The following CD36 variants were observed in gnomAD, a reference collection of about 807,000 sequenced individuals.
CD36 encodes the protein CD36 molecule (CD36 blood group).
A neutral mutation model predicts 55.2 loss-of-function variants in CD36; 119 were observed. The observed-to-expected ratio is 2.15, with a 90% CI of 1.86 to 2.51. The LOEUF (loss-of-function observed/expected upper bound fraction) is 2.51. Among genes scored for constraint, CD36 ranks in the 30% most tolerant of loss-of-function variants. The pLI is 0.00. For synonymous variants in CD36, 186 were observed against 193.6 expected (o/e 0.96, Z 0.33); for missense variants, 819 against 555.5 (o/e 1.47, Z -4.77).
intron 1 of CD36, among the ~76,000 whole-genome samples, chr7:80,617,000 T>G (rs954954719): frequency 1.3e-5 from 2 of 152,196 alleles, no homozygotes; most frequent in African/African-American, 4.8e-5. Context: ...AGGAGAATTG[T>G]GGCTAAAACT....
chr7:80,641,504 A>G (rs1382985993), intron 1 of CD36, among the ~76,000 whole-genome samples: 6 of 152,080 alleles, frequency 3.9e-5, no homozygotes, highest in Non-Finnish European at 4.4e-5. Context: ...AGAATGGAAA[A>G]CAAGAGTGTG....
chr7:80,610,436 A>G (rs913181113), intron 1 of CD36, among the ~76,000 whole-genome samples: 2 of 152,206 alleles, frequency 1.3e-5, no homozygotes, highest in Non-Finnish European at 2.9e-5. Flanking sequence ...TTTTGTAAAT[A>G]CAAGAATAGT....
rs1796678955 is a variant in CD36 at position 80,663,016 on chromosome 7, AT to A, written c.459del (p.Phe153LeufsTer4). 6.2e-7 allele frequency: 1 copy of A among 1,613,222 alleles called. No individual in the cohort carries two copies. Among genetic ancestry groups the A allele is most frequent in the Admixed American group, 1.7e-5 (1 of 59,984 alleles). On this transcript the variant is annotated frameshift_variant, in exon 6 of 15. Transcript: ENST00000447544. LOFTEE classifies it high-confidence loss of function. ...AAASHIYQNQ[F>X]VQMILNSLIN... ...CTGCATCCCATATCTATCAAAATCA[AT>A]TTGTTCAAATGATCCTCAATTCACT...
In CD36 at chr7:80,658,461, T is replaced by C. The variant is rs562015704; in HGVS notation, c.281+1761T>C. Among the ~76,000 whole-genome samples, 3 of 152,086 alleles carry C rather than the reference T, an allele frequency of 2.0e-5. No homozygotes were observed. The South Asian group carries it at 6.2e-4, about 32-fold the overall frequency. On this transcript the variant is annotated intron_variant, in intron 4 of 14. Coordinates refer to ENST00000447544, the MANE Select transcript of CD36 (RefSeq NM_001001548.3). ...ACTCATCATGATTTTTTTTGTTTGT[T>C]TGGGGGAAGTTATATTTTTCACTTC...
chr7:80,671,050 A>C lies in CD36; in HGVS notation c.892A>C (p.Lys298Gln). ...IPVYRFVLPS[K>Q]AFASPVENPD... ...TGTGTATAGATTTGTTCTTCCATCC[A>C]AGGCCTTTGCCTCTCCAGTTGAAAA... Residue 298 changes from lysine to glutamine, a missense_variant, in exon 10 of 15, where the codon AAG becomes CAG. Lys to Gln is a moderately conservative substitution (Grantham distance 53). Transcript: ENST00000447544. 6.2e-7 allele frequency: 1 copy of C among 1,612,830 alleles called. No homozygotes were observed.
At chr7:80,674,212 A>C in intron 14 of CD36, 65 bp downstream of exon 14, 1 of 1,186,230 alleles carries the variant, frequency 8.4e-7, no homozygotes, top group Non-Finnish European at 1.2e-6. Context: ...TTTTCACTTT[A>C]TCAAAGAGAA....
At chr7:80,662,845 T>C in intron 5 of CD36, 145 bp from the exon 6 acceptor site, 1 of 692,064 alleles carries the variant, frequency 1.4e-6, no homozygotes, top group Non-Finnish European at 2.5e-6. Flanking sequence ...ACGAATTGCA[T>C]TTTGAGTTTT....
chr7:80,603,680 A>C (rs1401907397), intron 1 of CD36, among the ~76,000 whole-genome samples: 2 of 150,818 alleles, frequency 1.3e-5, no homozygotes, highest in African/African-American at 4.9e-5. Flanking sequence ...AACTGTTCTA[A>C]GAGTTCAAGA....
chr7:80,603,703 G>A (rs1028396581), intron 1 of CD36, among the ~76,000 whole-genome samples: 1 of 131,214 alleles, frequency 7.6e-6, no homozygotes, highest in Non-Finnish European at 1.7e-5. Context: ...GCTAACACCT[G>A]AGGATAATAA....
In CD36 at chr7:80,646,599, T is replaced by A. The variant is rs1326390795; in HGVS notation, c.-89-53T>A. ...AGTGGGTGTTTTCTTTGTACTTTGA[T>A]CTTTTTGTACTGATATTTAAGCTTC... is the stretch of plus-strand genomic sequence containing the variant. On this transcript the variant is annotated intron_variant, in intron 2 of 14. Transcript: ENST00000447544. The A allele has an allele frequency of 9.3e-6, 9 of 963,926 alleles. No homozygotes were observed. The East Asian group carries it at 1.7e-4, about 18-fold the overall frequency. The allele number at this position is 963,926 out of a possible 1,614,324, so 59.7% of individuals were successfully genotyped here. A position where few individuals can be genotyped will look rare whatever the true frequency, so the allele number is the denominator to read the frequency against.
intron 14 of CD36, 94 bp downstream of exon 14, chr7:80,674,241 T>A (rs911694814): frequency 1.1e-6 from 1 of 876,910 alleles, no homozygotes; most frequent in Non-Finnish European, 1.8e-6. Context: ...TTAGGCCATA[T>A]ATATTTCTAG....
intron 6 of CD36, among the ~76,000 whole-genome samples, chr7:80,664,165 A>C (rs1160225618): frequency 6.6e-6 from 1 of 152,128 alleles, no homozygotes; most frequent in Non-Finnish European, 1.5e-5. Flanking sequence ...TAATTATGAC[A>C]GAGTGCTAGA....
At chr7:80,649,149 A>C (rs3211820) in intron 3 of CD36, among the ~76,000 whole-genome samples, 95,018 of 151,886 alleles carry the variant, frequency 0.63, 29,797 homozygotes, top group East Asian at 0.65. Flanking sequence ...TAGTTCACTT[A>C]ATCTTCAAAA....
chr7:80,646,192 T>G lies in CD36; in HGVS notation c.-90+11T>G, dbSNP rs1157111557. The G allele has an allele frequency of 6.3e-6, 1 of 157,590 alleles. No homozygotes were observed. Among genetic ancestry groups the G allele is most frequent in the Middle Eastern group, 3.1e-3 (1 of 320 alleles). 9.8% of individuals were successfully genotyped at this position (157,590 alleles called of 1,614,324 possible). On this transcript the variant is annotated intron_variant, in intron 2 of 14. Coordinates refer to ENST00000447544, the MANE Select transcript of CD36 (RefSeq NM_001001548.3). ...TGATTTGTGAATAAGGTATCGTAAA[T>G]AAAACATCTGTTACCATACTTGCTT...
chr7:80,655,555 C>G (rs1291001988), intron 3 of CD36, among the ~76,000 whole-genome samples: 1 of 152,148 alleles, frequency 6.6e-6, no homozygotes, highest in Non-Finnish European at 1.5e-5. Flanking sequence ...AGTAATAGGA[C>G]AGCTTCCTTG....
intron 3 of CD36, among the ~76,000 whole-genome samples, chr7:80,650,163 T>C (rs952313223): frequency 6.6e-6 from 1 of 152,034 alleles, no homozygotes; most frequent in African/African-American, 2.4e-5. Flanking sequence ...TCATAAAAAC[T>C]GTCAAATGAC....
intron 8 of CD36, among the ~76,000 whole-genome samples, chr7:80,667,680 T>C (rs1454822638): frequency 6.6e-6 from 1 of 151,106 alleles, no homozygotes; most frequent in African/African-American, 2.4e-5. Flanking sequence ...TTGTAGGAAA[T>C]GATAAACAAA....
chr7:80,634,390 G>A (rs1001712507), upstream of CD36, among the ~76,000 whole-genome samples: 16 of 151,818 alleles, frequency 1.1e-4, no homozygotes, highest in African/African-American at 2.7e-4. Flanking sequence ...AAAAAAAATC[G>A]CTTAGTTTTC....
intron 1 of CD36, among the ~76,000 whole-genome samples, chr7:80,628,676 C>A (rs1793889874): frequency 6.6e-6 from 1 of 152,022 alleles, no homozygotes; most frequent in Non-Finnish European, 1.5e-5. Context: ...GTGCTTTCAA[C>A]CTGTGAACCC....
Sources: allele counts gnomAD v4.1 joint callset (sites outside exome capture counted in the v4.1 genomes callset), GRCh38; gene constraint gnomAD v4.1.1; transcripts MANE v1.5; gene names NCBI Gene and HGNC (gene_info 2026-07-23, HGNC 2026-07-21).